The following CCDC149 variants were observed in gnomAD, a reference collection of about 807,000 sequenced individuals.
CCDC149 encodes the protein coiled-coil domain-containing protein 149.
CCDC149 carries 45 observed loss-of-function variants against 59.9 expected under a neutral mutation model. The ratio of observed to expected loss-of-function variants is 0.75; its 90% CI spans 0.59 to 0.96. The LOEUF is 0.96. CCDC149 is among the 40% of genes least tolerant of loss of function. CCDC149 has a pLI of 0.00. For missense variants in CCDC149, 584 were observed against 664.7 expected (o/e 0.88, Z 1.33); for synonymous variants, 245 against 260.6 (o/e 0.94, Z 0.58).
intron 1 of CCDC149, among the ~76,000 whole-genome samples, chr4:24,940,839 G>T (rs915209310): frequency 6.6e-6 from 1 of 152,192 alleles, no homozygotes; most frequent in African/African-American, 2.4e-5. Context: ...TCAACGAGAA[G>T]AACTAACTAT....
intron 12 of CCDC149, among the ~76,000 whole-genome samples, chr4:24,809,889 G>A (rs942755063): frequency 5.3e-5 from 8 of 152,218 alleles, no homozygotes; most frequent in African/African-American, 1.7e-4. Context: ...AACTGCAGCA[G>A]GTTAGAAAGG....
In CCDC149 at chr4:24,814,500, C is replaced by T. The variant is rs571952393; in HGVS notation, c.1192+5359G>A. Among the ~76,000 whole-genome samples the T allele has an allele frequency of 1.3e-3, 202 of 152,318 alleles. 1 individual carries two copies. In the Middle Eastern group the frequency reaches 0.031, roughly 23 times the overall value. On this transcript the variant is annotated intron_variant, in intron 12 of 12. Transcript: ENST00000635206. ...GAGACAGAAACCGTCCCTAAAGCTT[C>T]GCTACCCAAAGTGTGGTTCATGGAC...
intron 1 of CCDC149, among the ~76,000 whole-genome samples, chr4:24,939,485 T>G (rs1221401196): frequency 1.3e-5 from 2 of 151,624 alleles, no homozygotes; most frequent in Admixed American, 1.3e-4. Context: ...AAAATCAGAG[T>G]GCCTCTCCTC....
chr4:24,975,167 T>C (rs1577516872), intron 1 of CCDC149, among the ~76,000 whole-genome samples: 1 of 152,040 alleles, frequency 6.6e-6, no homozygotes. Context: ...CCTCCATAGC[T>C]ATGAGAAATA....
rs918213964 is a variant in CCDC149, at chr4:24,838,267, C to T, written c.378G>A (p.Leu126=). Residue 126 remains leucine, a synonymous_variant, in exon 5 of 13, where the codon TTG becomes TTA. Transcript: ENST00000635206. ...GCCTTTGTTTGGCAATCGTCATCCT[C>T]AAGAGCTGCATTTTCCATTGGTAGA... 1 of 1,612,850 alleles carries T rather than the reference C, an allele frequency of 6.2e-7. No homozygotes were observed. The highest frequency in any genetic ancestry group is 1.7e-5 in the Admixed American group (1 of 60,032).
At chr4:24,835,271 C>G (rs572839302) in intron 7 of CCDC149, among the ~76,000 whole-genome samples, 4 of 152,090 alleles carry the variant, frequency 2.6e-5, no homozygotes, top group Non-Finnish European at 5.9e-5. Context: ...ATTACAGTCC[C>G]CTGTATACAA....
intron 1 of CCDC149, among the ~76,000 whole-genome samples, chr4:24,895,309 G>A (rs1188533163): frequency 6.6e-6 from 1 of 152,124 alleles, no homozygotes; most frequent in East Asian, 1.9e-4. Context: ...AATGCACTGA[G>A]CTGTACACTT....
intron 1 of CCDC149, among the ~76,000 whole-genome samples, chr4:24,920,532 T>G (rs925338114): frequency 6.6e-6 from 1 of 152,046 alleles, no homozygotes; most frequent in African/African-American, 2.4e-5. Context: ...TGGCATAGAG[T>G]CACTTCCACC....
intron 1 of CCDC149, among the ~76,000 whole-genome samples, chr4:24,920,674 A>G (rs1032634996): frequency 2.6e-5 from 4 of 152,234 alleles, no homozygotes; most frequent in African/African-American, 9.6e-5. Context: ...GATGACCTCC[A>G]TCTTTGGAGA....
Position 24,894,710 on chromosome 4 carries a change from G to A in CCDC149, c.64-18013C>T, listed in dbSNP as rs541082226. On this transcript the variant is annotated intron_variant, in intron 1 of 12. Coordinates refer to ENST00000635206, the MANE Select transcript of CCDC149 (RefSeq NM_001330643.2). The stretch of plus-strand genomic sequence containing the variant: ...TATGTTCGAAAGGGCATCTCACAAC[G>A]TGTGTTAGGATGTGAGATGCCCTTT... Among the ~76,000 whole-genome samples, 29 of 151,556 alleles carry A rather than the reference G, an allele frequency of 1.9e-4. 1 individual carries two copies. The East Asian group carries it at 2.2e-3, about 11-fold the overall frequency.
At chr4:24,834,669 C>G (rs1013269778) in intron 8 of CCDC149, among the ~76,000 whole-genome samples, 1 of 152,152 alleles carries the variant, frequency 6.6e-6, no homozygotes, top group African/African-American at 2.4e-5. Flanking sequence ...AAGTGGGGTC[C>G]CTAATCCAGC....
intron 9 of CCDC149, chr4:24,830,243 G>A (rs1314096223): frequency 6.6e-6 from 1 of 152,342 alleles, no homozygotes. Context: ...GAGGTGTTCT[G>A]TAGAGAGGGA....
chr4:24,853,966 A>G (rs1717842291), intron 3 of CCDC149, among the ~76,000 whole-genome samples: 1 of 152,020 alleles, frequency 6.6e-6, no homozygotes, highest in Admixed American at 6.6e-5. Context: ...TCTTCATGAC[A>G]TCATCCTTTC....
At chr4:24,838,827 G>C (rs1363374379) in intron 4 of CCDC149, among the ~76,000 whole-genome samples, 1 of 151,220 alleles carries the variant, frequency 6.6e-6, no homozygotes, top group Non-Finnish European at 1.5e-5. Flanking sequence ...TCTAACAATA[G>C]TGGAATGTTT....
intron 2 of CCDC149, among the ~76,000 whole-genome samples, chr4:24,875,825 G>T (rs566070092): frequency 1.3e-5 from 2 of 152,214 alleles, no homozygotes; most frequent in African/African-American, 4.8e-5. Flanking sequence ...GTAGACTTAT[G>T]AATCCTCTTT....
At chr4:24,860,682 T>C (rs1037132367) in intron 3 of CCDC149, among the ~76,000 whole-genome samples, 3 of 152,158 alleles carry the variant, frequency 2.0e-5, no homozygotes, top group African/African-American at 7.2e-5. Flanking sequence ...AGAAAAATCT[T>C]TGCAAACTAT....
At chr4:24,932,340 A>G (rs575998005) in intron 1 of CCDC149, among the ~76,000 whole-genome samples, 107 of 152,322 alleles carry the variant, frequency 7.0e-4, no homozygotes, top group African/African-American at 2.5e-3. Flanking sequence ...TGTACCAGGA[A>G]TCACTTTAGG....
intron 1 of CCDC149, among the ~76,000 whole-genome samples, chr4:24,978,869 T>C (rs1724334900): frequency 1.3e-5 from 2 of 152,298 alleles, no homozygotes; most frequent in South Asian, 4.2e-4. Context: ...GACCTGGGCG[T>C]GTCTTTAGGA....
intron 4 of CCDC149, among the ~76,000 whole-genome samples, chr4:24,850,127 T>A (rs553638637): frequency 6.6e-6 from 1 of 152,364 alleles, no homozygotes; most frequent in South Asian, 2.1e-4. Flanking sequence ...ATTTCTTGCA[T>A]ACTTTTTTTT....
Sources: allele counts gnomAD v4.1 joint callset (sites outside exome capture counted in the v4.1 genomes callset), GRCh38; gene constraint gnomAD v4.1.1; transcripts MANE v1.5; gene names NCBI Gene and HGNC (gene_info 2026-07-23, HGNC 2026-07-21).